The following GNAL variants were observed in gnomAD, a reference collection of about 807,000 sequenced individuals.
GNAL encodes the protein G protein subunit alpha L, also known as guanine nucleotide-binding protein G(olf) subunit alpha.
In GNAL, 18 loss-of-function variants were observed where a neutral mutation model predicts 55.1. The ratio of observed to expected loss-of-function variants is 0.33; its 90% CI spans 0.23 to 0.48. The LOEUF (loss-of-function observed/expected upper bound fraction) is 0.48, where lower values mean the gene tolerates loss of function less well. Ranked by LOEUF, GNAL falls within the 20% of genes least tolerant of loss-of-function variation. The probability of loss-of-function intolerance (pLI) is 0.99; values close to 1 mark genes in which losing one functional copy is unlikely to be tolerated. For synonymous variants in GNAL, 253 were observed against 237.0 expected (o/e 1.07, Z -0.62); for missense variants, 412 against 614.1 (o/e 0.67, Z 3.48).
At chr18:11,873,323 C>T (rs1439332051) in intron 10 of GNAL, among the ~76,000 whole-genome samples, 1 of 152,182 alleles carries the variant, frequency 6.6e-6, no homozygotes, top group Non-Finnish European at 1.5e-5. Context: ...TTCTTTTCTC[C>T]CTCATGGGAG....
chr18:11,782,274 A>C (rs765637351), intron 4 of GNAL, among the ~76,000 whole-genome samples: 3 of 152,174 alleles, frequency 2.0e-5, no homozygotes, highest in Non-Finnish European at 4.4e-5. Flanking sequence ...CCAAGATGGC[A>C]CCATTGCACT....
At chr18:11,759,763 C>T (rs761771666) in intron 4 of GNAL, among the ~76,000 whole-genome samples, 3 of 152,226 alleles carry the variant, frequency 2.0e-5, no homozygotes, top group African/African-American at 7.2e-5. Flanking sequence ...CGTGTGCTGC[C>T]GCCTCTCCTT....
intron 1 of GNAL, among the ~76,000 whole-genome samples, chr18:11,693,066 C>G (rs948632279): frequency 8.2e-6 from 1 of 121,568 alleles, no homozygotes; most frequent in African/African-American, 5.1e-5. Context: ...AAGAAACTGA[C>G]AAAAAAAAAT....
intron 4 of GNAL, among the ~76,000 whole-genome samples, chr18:11,820,274 T>A (rs2035059108): frequency 6.6e-6 from 1 of 152,160 alleles, no homozygotes; most frequent in South Asian, 2.1e-4. Context: ...ATAATCAATA[T>A]GCCAGTGTCA....
At chr18:11,781,992 T>C (rs1305102178) in intron 4 of GNAL, among the ~76,000 whole-genome samples, 1 of 152,208 alleles carries the variant, frequency 6.6e-6, no homozygotes, top group Non-Finnish European at 1.5e-5. Context: ...ATACATAATA[T>C]GTGGAATATC....
intron 1 of GNAL, among the ~76,000 whole-genome samples, chr18:11,717,053 C>T (rs2031985508): frequency 6.6e-6 from 1 of 152,238 alleles, no homozygotes; most frequent in Non-Finnish European, 1.5e-5. Flanking sequence ...GTGGGGGAGG[C>T]TCACGCATGG....
chr18:11,782,090 G>A (rs1166351596), intron 4 of GNAL, among the ~76,000 whole-genome samples: 1 of 152,200 alleles, frequency 6.6e-6, no homozygotes, highest in Non-Finnish European at 1.5e-5. Context: ...GTCGACATGG[G>A]CGGATCACTT....
intron 4 of GNAL, among the ~76,000 whole-genome samples, chr18:11,774,717 C>T: frequency 6.6e-6 from 1 of 152,290 alleles, no homozygotes; most frequent in East Asian, 1.9e-4. Flanking sequence ...AGCCTGTCCC[C>T]CTGTGTACTG....
At chr18:11,825,542 C>T (rs2035218052) in intron 5 of GNAL, among the ~76,000 whole-genome samples, 1 of 151,974 alleles carries the variant, frequency 6.6e-6, no homozygotes, top group Non-Finnish European at 1.5e-5. Context: ...ACCAGCCTGG[C>T]CAACATGGTG....
At chr18:11,727,354 A>G (rs1433846432) in intron 1 of GNAL, among the ~76,000 whole-genome samples, 1 of 152,054 alleles carries the variant, frequency 6.6e-6, no homozygotes, top group Non-Finnish European at 1.5e-5. Flanking sequence ...CCGTCTTTTT[A>G]TTTCTTTATC....
chr18:11,703,361 T>C (rs2031623357), intron 1 of GNAL, among the ~76,000 whole-genome samples: 1 of 152,248 alleles, frequency 6.6e-6, no homozygotes, highest in Non-Finnish European at 1.5e-5. Context: ...ATATGTGACC[T>C]ATAAGGAAGT....
chr18:11,848,400 A>C (rs565357393), intron 5 of GNAL, among the ~76,000 whole-genome samples: 15 of 152,004 alleles, frequency 9.9e-5, no homozygotes, highest in Admixed American at 3.3e-4. Context: ...CATCCAAGGA[A>C]TGTAGCTTCA....
At chr18:11,773,056 C>T (rs1422569369) in intron 4 of GNAL, among the ~76,000 whole-genome samples, 1 of 152,212 alleles carries the variant, frequency 6.6e-6, no homozygotes, top group Admixed American at 6.5e-5. Context: ...TCAGCAGTGA[C>T]ATCTGCTGCA....
chr18:11,734,437 G>T (rs1003691069), intron 1 of GNAL, among the ~76,000 whole-genome samples: 1 of 151,984 alleles, frequency 6.6e-6, no homozygotes, highest in African/African-American at 2.4e-5. Flanking sequence ...CACCGCGCCG[G>T]GTGTAGATTT....
intron 1 of GNAL, among the ~76,000 whole-genome samples, chr18:11,736,483 A>G (rs1338541983): frequency 1.3e-5 from 2 of 152,192 alleles, no homozygotes; most frequent in African/African-American, 4.8e-5. Flanking sequence ...AAAGTATCAC[A>G]TACCTTTAAA....
chr18:11,880,635 G>A (rs1264852297), intron 11 of GNAL, among the ~76,000 whole-genome samples: 1 of 152,176 alleles, frequency 6.6e-6, no homozygotes, highest in African/African-American at 2.4e-5. Context: ...CCCCTTGGTG[G>A]TATCAGCTAG....
chr18:11,867,981 C>T (rs950255314), intron 8 of GNAL, among the ~76,000 whole-genome samples: 17 of 151,762 alleles, frequency 1.1e-4, no homozygotes, highest in African/African-American at 3.4e-4. Flanking sequence ...AAAAATTAGC[C>T]GGGTGTTATG....
Position 11,744,952 on chromosome 18 carries a change from C to G in GNAL, c.377-7901C>G, listed in dbSNP as rs1313620444. On this transcript the variant is annotated intron_variant, in intron 1 of 11. Transcript: ENST00000334049. ...TTTCAAACTCCGGAGCTCAGGCAAT[C>G]TGCCCCTCCTTGGTCTCCCAAAGTG... is the stretch of plus-strand genomic sequence containing the variant. 2.0e-5 allele frequency among the ~76,000 whole-genome samples: 3 copies of G among 152,162 alleles called. No individual in the cohort carries two copies. In the East Asian group the frequency reaches 5.8e-4, roughly 29 times the overall value.
At chr18:11,860,769 G>A (rs764845845) in intron 5 of GNAL, among the ~76,000 whole-genome samples, 10 of 152,168 alleles carry the variant, frequency 6.6e-5, no homozygotes, top group Admixed American at 3.9e-4. Context: ...GGTGGACTCC[G>A]AACCCCTGGT....
Sources: gnomAD v4.1 joint callset for allele counts (sites outside exome capture counted in the v4.1 genomes callset) on GRCh38, gnomAD v4.1.1 for gene constraint, MANE v1.5 for transcripts, NCBI Gene and HGNC (gene_info 2026-07-23, HGNC 2026-07-21) for gene names.